FOXP4: variants seen among roughly 807,000 people sequenced by gnomAD.
FOXP4 encodes forkhead box P4.
In FOXP4, 25 loss-of-function variants were observed where a neutral mutation model predicts 82.6. The ratio of observed to expected loss-of-function variants is 0.30; its 90% CI spans 0.22 to 0.42. The LOEUF is 0.42. Ranked by LOEUF, FOXP4 falls within the 10% of genes least tolerant of loss-of-function variation. FOXP4 has a pLI of 1.00. For missense variants in FOXP4, 785 were observed against 900.9 expected (o/e 0.87, Z 1.65); for synonymous variants, 415 against 388.2 (o/e 1.07, Z -0.81).
At chr6:41,577,379 G>A (rs1562028618) in intron 2 of FOXP4, among the ~76,000 whole-genome samples, 1 of 152,286 alleles carries the variant, frequency 6.6e-6, no homozygotes, top group Non-Finnish European at 1.5e-5. Context: ...CCAACTGTGT[G>A]CTCTGGCTCC....
intron 1 of FOXP4, among the ~76,000 whole-genome samples, chr6:41,550,669 C>G (rs532100687): frequency 6.6e-6 from 1 of 152,342 alleles, no homozygotes; most frequent in East Asian, 1.9e-4. Context: ...GGCCGCCTGC[C>G]TTCTAGTGTG....
rs915163791 is a variant in FOXP4 at position 41,591,109 on chromosome 6, A to T, written c.1435-112A>T. 17 of 854,526 alleles carry T rather than the reference A, an allele frequency of 2.0e-5. No homozygotes were observed. Among genetic ancestry groups the T allele is most frequent in the Middle Eastern group, 2.2e-4 (1 of 4,566 alleles). The allele number at this position is 854,526 out of a possible 1,614,324, so 52.9% of individuals were successfully genotyped here. Reference sequence around the variant, plus strand: ...CACACATTTCTGAGCAGGTCTTCTCACAAAGTGAACTCGGGGCTAGGCAGA... The same window carrying T: ...CACACATTTCTGAGCAGGTCTTCTCTCAAAGTGAACTCGGGGCTAGGCAGA... On this transcript the variant is annotated intron_variant, in intron 12 of 16. Transcript: ENST00000307972. This position sits in a 1 kb window ranked among gnomAD's most constrained non-coding sequence, Gnocchi z 4.2.
At chr6:41,564,983 G>A (rs1764791810) in intron 1 of FOXP4, among the ~76,000 whole-genome samples, 1 of 152,204 alleles carries the variant, frequency 6.6e-6, no homozygotes, top group Non-Finnish European at 1.5e-5. Context: ...TCCATTTCAG[G>A]TGGGGGTAGG....
intron 16 of FOXP4, 32 bp from the exon 17 acceptor site, chr6:41,598,757 C>T (rs1032564428): frequency 1.3e-6 from 2 of 1,549,482 alleles, no homozygotes; most frequent in African/African-American, 1.4e-5. Context: ...AGAGGACAGC[C>T]GCCTGGTGCC....
At chr6:41,598,241 G>C (rs1379912053) in intron 16 of FOXP4, among the ~76,000 whole-genome samples, 3 of 140,602 alleles carry the variant, frequency 2.1e-5, no homozygotes, top group Non-Finnish European at 3.0e-5. Context: ...TTTTAAGACG[G>C]AGTCTCGCTC....
intron 1 of FOXP4, 66 bp from the exon 2 acceptor site, chr6:41,565,679 T>G: frequency 7.0e-7 from 1 of 1,431,640 alleles, no homozygotes; most frequent in South Asian, 1.3e-5. Context: ...TTTTTGGGGG[T>G]CAGCAGTCAC....
At position 41,597,828 on chromosome 6, in the gene FOXP4, G is replaced by C. The variant is rs143078501; in HGVS notation, c.1773G>C (p.Met591Ile). 28 of 1,606,014 alleles carry C rather than the reference G, an allele frequency of 1.7e-5. No individual in the cohort carries two copies. In the African/African-American group the frequency reaches 3.7e-4, roughly 21 times the overall value. ...SSFPLLNSPG[M>I]LNPGSASSLL... is the part of the protein sequence containing the mutation. ...TCCCCCTCCTCAACAGCCCTGGCAT[G>C]CTGAACCCTGGCTCCGCCAGCAGCC... Residue 591 changes from methionine to isoleucine, a missense_variant, in exon 16 of 17, where the codon ATG becomes ATC. Physicochemically the swap from Met to Ile is conservative, Grantham distance 10 (BLOSUM62 1). Transcript: ENST00000307972.
chr6:41,547,269 C>T (rs983569453), intron 1 of FOXP4, among the ~76,000 whole-genome samples: 1 of 152,140 alleles, frequency 6.6e-6, no homozygotes, highest in Non-Finnish European at 1.5e-5. Context: ...CCCGCCGGGC[C>T]TCTGGGAATG....
At chr6:41,551,205 C>T (rs1287108368) in intron 1 of FOXP4, among the ~76,000 whole-genome samples, 2 of 152,222 alleles carry the variant, frequency 1.3e-5, no homozygotes, top group African/African-American at 4.8e-5. Flanking sequence ...CCTGCCTGAT[C>T]TAGAAAACAA....
In FOXP4 at chr6:41,585,490, G is replaced by A. The variant is rs1261443891; in HGVS notation, c.483G>A (p.Gln161=). 1.9e-6 allele frequency: 3 copies of A among 1,613,788 alleles called. No individual in the cohort carries two copies. The African/African-American group carries it at 4.0e-5, about 22-fold the overall frequency. Residue 161 remains glutamine (Q), a synonymous_variant, in exon 5 of 17, where the codon CAG becomes CAA. Coordinates refer to ENST00000307972, the MANE Select transcript of FOXP4 (RefSeq NM_001012426.2). ...EQLHLQLLTQ[Q]QAGKPQPKEA... is the part of the protein sequence containing the mutation. ...TCCACCTGCAGCTCCTCACCCAGCA[G>A]CAGGCTGGGAAACCGCAGCCCAAAG...
In FOXP4 at chr6:41,589,868, C is replaced by G; in HGVS notation, c.1149+14C>G. ...TTCAGCCAGCCAGTGAGTGCTGCTC[C>G]CCTCCCCGCCCCTCCCAGAGCCTTC... On this transcript the variant is annotated intron_variant, in intron 10 of 16. Coordinates refer to ENST00000307972, the MANE Select transcript of FOXP4 (RefSeq NM_001012426.2). 1.9e-6 allele frequency: 3 copies of G among 1,610,340 alleles called. No individual in the cohort carries two copies. Among genetic ancestry groups the G allele is most frequent in the South Asian group, 1.1e-5 (1 of 91,032 alleles).
chr6:41,589,869 C>G lies in FOXP4; in HGVS notation c.1149+15C>G. Reference sequence around the variant, plus strand: ...TCAGCCAGCCAGTGAGTGCTGCTCCCCTCCCCGCCCCTCCCAGAGCCTTCC... The same window carrying G: ...TCAGCCAGCCAGTGAGTGCTGCTCCGCTCCCCGCCCCTCCCAGAGCCTTCC... On this transcript the variant is annotated intron_variant, in intron 10 of 16. Coordinates refer to ENST00000307972, the MANE Select transcript of FOXP4 (RefSeq NM_001012426.2). The G allele has an allele frequency of 1.2e-6, 2 of 1,610,444 alleles. No individual in the cohort carries two copies. The highest frequency in any genetic ancestry group is 2.2e-5 in the South Asian group (2 of 91,048).
intron 1 of FOXP4, among the ~76,000 whole-genome samples, chr6:41,554,547 G>A (rs1764171235): frequency 6.6e-6 from 1 of 152,198 alleles, no homozygotes; most frequent in South Asian, 2.1e-4. Context: ...AATCTAGTGT[G>A]GGACAGTGTC....
chr6:41,570,724 A>T (rs1298288866), intron 2 of FOXP4, among the ~76,000 whole-genome samples: 3 of 152,018 alleles, frequency 2.0e-5, no homozygotes, highest in Non-Finnish European at 4.4e-5. Flanking sequence ...TTCCCTGCTG[A>T]TTAGAACTGG....
intron 1 of FOXP4, among the ~76,000 whole-genome samples, chr6:41,551,950 C>T (rs1322182155): frequency 2.0e-5 from 3 of 152,082 alleles, no homozygotes; most frequent in South Asian, 4.2e-4. Context: ...GAACAAGGGC[C>T]GGAGCACAGA....
At chr6:41,581,983 C>T (rs1765828024) in intron 3 of FOXP4, among the ~76,000 whole-genome samples, 1 of 152,220 alleles carries the variant, frequency 6.6e-6, no homozygotes, top group South Asian at 2.1e-4. Flanking sequence ...TTGCGGGCCA[C>T]GTTCGTCTCT....
chr6:41,566,992 C>A (rs891682291), intron 2 of FOXP4, among the ~76,000 whole-genome samples: 1 of 152,240 alleles, frequency 6.6e-6, no homozygotes, highest in African/African-American at 2.4e-5. Flanking sequence ...TCCCACAGCC[C>A]AACTTCATAA....
intron 2 of FOXP4, among the ~76,000 whole-genome samples, chr6:41,576,333 AG>A (rs1426375826): frequency 1.3e-5 from 2 of 152,142 alleles, no homozygotes; most frequent in African/African-American, 4.8e-5. Context: ...AAGCCTCAGG[AG>A]GCTCGGCTGT....
chr6:41,587,353 G>A lies in FOXP4; in HGVS notation c.713G>A (p.Gly238Glu), dbSNP rs560002245. ...CTGTGGAAGGGCGAGGGTGCCCCCGGGCAGCCTGCCGAGGACAGCGTCAAG... is the reference window on the plus strand; with the variant it reads ...CTGTGGAAGGGCGAGGGTGCCCCCGAGCAGCCTGCCGAGGACAGCGTCAAG... ...PQLWKGEGAP[G>E]QPAEDSVKQE... The change falls in exon 7 of 17, where the codon GGG (glycine) becomes GAG (glutamate). Residue 238 changes from glycine to glutamate, a missense_variant. Physicochemically the swap from Gly to Glu is moderately conservative, Grantham distance 98. Around this residue, in one of 3 missense-constraint regions of FOXP4, gnomAD observed 570 missense variants for 634.0 expected, o/e 0.90. Transcript: ENST00000307972. 9 of 1,610,620 alleles carry A rather than the reference G, an allele frequency of 5.6e-6. No individual in the cohort carries two copies. The South Asian group carries it at 9.9e-5, about 18-fold the overall frequency.
Sources: allele counts gnomAD v4.1 joint callset (sites outside exome capture counted in the v4.1 genomes callset), GRCh38; gene constraint gnomAD v4.1.1; regional missense constraint gnomAD v4.1.1; non-coding constraint Gnocchi (gnomAD v3.1); transcripts MANE v1.5; gene names NCBI Gene and HGNC (gene_info 2026-07-23, HGNC 2026-07-21).